KIAA1328: variants seen among roughly 807,000 people sequenced by gnomAD.
KIAA1328 encodes protein hinderin.
In KIAA1328, 52 loss-of-function variants were observed where a neutral mutation model predicts 68.1. The observed-to-expected ratio is 0.76, with a 90% CI of 0.61 to 0.96. The LOEUF is 0.96. Among genes scored for constraint, KIAA1328 ranks in the 40% least tolerant of loss-of-function variants. The pLI, the probability that KIAA1328 is intolerant of heterozygous loss-of-function variation, is 0.00. For missense variants in KIAA1328, 641 were observed against 677.6 expected, an observed-to-expected ratio of 0.95 and a Z score of 0.60; for synonymous variants, 232 against 239.4, an observed-to-expected ratio of 0.97 and a Z score of 0.28.
intron 8 of KIAA1328, among the ~76,000 whole-genome samples, chr18:37,171,451 C>A (rs2059497632): frequency 6.6e-6 from 1 of 152,098 alleles, no homozygotes; most frequent in South Asian, 2.1e-4. Context: ...CTGGCCTGAT[C>A]CTCCTGCCTT....
intron 7 of KIAA1328, among the ~76,000 whole-genome samples, chr18:37,077,619 G>A (rs572852078): frequency 6.6e-6 from 1 of 151,858 alleles, no homozygotes; most frequent in South Asian, 2.1e-4. Context: ...AAGCTGATAA[G>A]CAACTTCAGC....
At chr18:37,065,593 G>A (rs1212806174) in intron 6 of KIAA1328, among the ~76,000 whole-genome samples, 1 of 152,208 alleles carries the variant, frequency 6.6e-6, no homozygotes, top group Non-Finnish European at 1.5e-5. Context: ...TTGAAGGGAA[G>A]TTTTTATGTT....
intron 7 of KIAA1328, among the ~76,000 whole-genome samples, chr18:37,094,303 G>A (rs2151841757): frequency 6.6e-6 from 1 of 152,180 alleles, no homozygotes; most frequent in Middle Eastern, 3.4e-3. Flanking sequence ...TGGGGGTTGG[G>A]GACCCCTGCC....
intron 5 of KIAA1328, among the ~76,000 whole-genome samples, chr18:36,956,640 G>T (rs2051431361): frequency 6.6e-6 from 1 of 152,134 alleles, no homozygotes; most frequent in South Asian, 2.1e-4. Context: ...CACATAGCAT[G>T]TGTTTAAATG....
intron 5 of KIAA1328, among the ~76,000 whole-genome samples, chr18:36,901,293 T>C (rs2049029850): frequency 1.3e-5 from 2 of 152,038 alleles, no homozygotes; most frequent in Non-Finnish European, 2.9e-5. Context: ...AAAAAATGTG[T>C]ATTGTAAAAT....
intron 7 of KIAA1328, among the ~76,000 whole-genome samples, chr18:37,155,470 A>G (rs1211536874): frequency 6.6e-6 from 1 of 152,076 alleles, no homozygotes; most frequent in African/African-American, 2.4e-5. Flanking sequence ...TCTCTCTTAC[A>G]TCAAGTTCTA....
intron 7 of KIAA1328, among the ~76,000 whole-genome samples, chr18:37,157,826 A>T (rs978862346): frequency 9.2e-5 from 14 of 151,356 alleles, no homozygotes; most frequent in African/African-American, 3.4e-4. Context: ...AAAAAAAAAA[A>T]AAAAGAATTA....
At chr18:36,862,427 G>A (rs2047594511) in intron 4 of KIAA1328, among the ~76,000 whole-genome samples, 1 of 152,116 alleles carries the variant, frequency 6.6e-6, no homozygotes, top group Non-Finnish European at 1.5e-5. Context: ...TTTCAAGAAA[G>A]CTATGTAAGT....
At chr18:37,191,139 C>G (rs2059897031) in intron 9 of KIAA1328, among the ~76,000 whole-genome samples, 1 of 152,192 alleles carries the variant, frequency 6.6e-6, no homozygotes, top group Admixed American at 6.5e-5. Flanking sequence ...CATTCCCTTC[C>G]TCCCTGTCTG....
chr18:37,221,797 G>C (rs1264441671), intron 9 of KIAA1328, among the ~76,000 whole-genome samples: 1 of 152,130 alleles, frequency 6.6e-6, no homozygotes, highest in African/African-American at 2.4e-5. Context: ...AGGAATGTTA[G>C]GGGTCAGCAA....
At chr18:37,048,789 G>T (rs974919071) in intron 6 of KIAA1328, among the ~76,000 whole-genome samples, 16 of 152,126 alleles carry the variant, frequency 1.1e-4, no homozygotes, top group African/African-American at 3.6e-4. Flanking sequence ...TATAAACTGT[G>T]AGTGGCTGCT....
chr18:36,855,903 T>C (rs572483323), intron 4 of KIAA1328, among the ~76,000 whole-genome samples: 145 of 152,176 alleles, frequency 9.5e-4, no homozygotes, highest in South Asian at 5.0e-3. Flanking sequence ...CATGAAGATA[T>C]CCAGTTGTCC....
At chr18:37,008,985 CAG>C (rs2053881731) in intron 6 of KIAA1328, among the ~76,000 whole-genome samples, 1 of 152,116 alleles carries the variant, frequency 6.6e-6, no homozygotes, top group African/African-American at 2.4e-5. Context: ...ATTACATAAA[CAG>C]AACTAGGAAA....
intron 6 of KIAA1328, among the ~76,000 whole-genome samples, chr18:37,059,938 A>G (rs2056079876): frequency 6.6e-6 from 1 of 151,934 alleles, no homozygotes; most frequent in South Asian, 2.1e-4. Flanking sequence ...CTAACACAGG[A>G]ACAGAAAACC....
chr18:37,065,892 G>A (rs920620052), intron 6 of KIAA1328, among the ~76,000 whole-genome samples: 1 of 152,166 alleles, frequency 6.6e-6, no homozygotes, highest in African/African-American at 2.4e-5. Flanking sequence ...GCGATGTTCA[G>A]AGATGAGCTA....
chr18:37,225,274 A>G lies in KIAA1328; in HGVS notation c.*3047A>G. 5.1e-6 allele frequency: 5 copies of G among 985,418 alleles called. No individual in the cohort carries two copies. The highest frequency in any genetic ancestry group is 6.0e-6 in the Non-Finnish European group (5 of 829,896). 61.0% of individuals were successfully genotyped at this position (985,418 alleles called of 1,614,324 possible). ...CTCAGAGTGTATTTTGAATATGAGC[A>G]AATGTTTATGTACGTATGAGATTTC... On this transcript the variant is annotated 3_prime_UTR_variant, in exon 10 of 10. Coordinates refer to ENST00000280020, the MANE Select transcript of KIAA1328 (RefSeq NM_020776.3).
chr18:36,829,561 C>T lies in KIAA1328; in HGVS notation c.58+365C>T, dbSNP rs541196339. On this transcript the variant is annotated intron_variant, in intron 1 of 9. Transcript: ENST00000280020. ...CTGACTTGAGTGTGCGGAGCTAGCT[C>T]GAAGTTGAGGGAGGAGTCGGTGTTG... The T allele has an allele frequency of 1.1e-4, 67 of 606,550 alleles. No individual in the cohort carries two copies. In the South Asian group the frequency reaches 3.9e-3, roughly 35 times the overall value. 37.6% of individuals were successfully genotyped at this position (606,550 alleles called of 1,614,324 possible).
chr18:36,863,518 A>G (rs565621130), intron 4 of KIAA1328, among the ~76,000 whole-genome samples: 1 of 152,260 alleles, frequency 6.6e-6, no homozygotes, highest in African/African-American at 2.4e-5. Context: ...CCTTTCCACA[A>G]TAATTTTGGA....
chr18:37,042,054 T>TTGTG (rs1213315693), intron 6 of KIAA1328, among the ~76,000 whole-genome samples: 2 of 151,800 alleles, frequency 1.3e-5, no homozygotes, highest in Non-Finnish European at 2.9e-5. Context: ...CTAATTTTGT[T>TTGTG]TGTTTGTTTG....
Sources: allele counts gnomAD v4.1 joint callset (sites outside exome capture counted in the v4.1 genomes callset), GRCh38; gene constraint gnomAD v4.1.1; transcripts MANE v1.5; gene names NCBI Gene and HGNC (gene_info 2026-07-23, HGNC 2026-07-21).